C1QTNF9B: variants seen among roughly 807,000 people sequenced by gnomAD.
C1QTNF9B encodes the protein complement C1q and tumor necrosis factor-related protein 9B.
A neutral mutation model predicts 10.1 loss-of-function variants in C1QTNF9B; 9 were observed. The ratio of observed to expected loss-of-function variants is 0.89; its 90% CI spans 0.53 to 1.55. C1QTNF9B has a LOEUF of 1.55. C1QTNF9B is among the 40% of genes most tolerant of loss of function. C1QTNF9B has a pLI of 0.00. For missense variants in C1QTNF9B, 196 were observed against 414.4 expected (o/e 0.47, Z 4.58); for synonymous variants, 79 against 159.9 (o/e 0.49, Z 3.82).
rs1466269667 is a variant in C1QTNF9B, at chr13:23,891,306, G to C, written c.985C>G (p.Leu329Val). 3 of 1,543,342 alleles carry C rather than the reference G, an allele frequency of 1.9e-6. No homozygotes were observed. In the East Asian group the frequency reaches 6.7e-5, roughly 35 times the overall value. Residue 329 changes from leucine to valine, a missense_variant, in exon 3 of 3, where the codon CTG (leucine) becomes GTG (valine). By Grantham distance (32) the Leu-to-Val change is conservative. This residue lies in a region of C1QTNF9B where 72 missense variants were observed against 87.1 expected (regional missense o/e 0.83). Coordinates refer to ENST00000382137, the Ensembl canonical transcript of C1QTNF9B. ...CTCCTCTGTCACTGGCTGCTGAACA[G>C]AAGGAACCCTGTGAAAGTTGTGTCA...
At chr13:23,891,351 A>G in exon 3 of C1QTNF9B, 1 of 1,574,410 alleles carries the variant, frequency 6.4e-7, no homozygotes, top group African/African-American at 1.4e-5. Flanking sequence ...TCAGCAAACA[A>G]GCCATTGAAC....
At chr13:23,893,117 T>C (rs544295465) in intron 2 of C1QTNF9B, among the ~76,000 whole-genome samples, 48 of 152,302 alleles carry the variant, frequency 3.2e-4, no homozygotes, top group African/African-American at 1.1e-3. Context: ...TGTCCCCATA[T>C]GCACACAGGA....
At chr13:23,896,729 G>C (rs1872215158) in intron 1 of C1QTNF9B, 92 bp downstream of exon 3, 1 of 1,558,752 alleles carries the variant, frequency 6.4e-7, no homozygotes, top group African/African-American at 1.4e-5. Context: ...GGTTGTGAGT[G>C]GGTAGGTGGA....
At chr13:23,891,535 G>A in exon 3 of C1QTNF9B, 1 of 1,607,994 alleles carries the variant, frequency 6.2e-7, no homozygotes, top group South Asian at 1.1e-5. Flanking sequence ...TGATGTGGTA[G>A]GTGAAGTAAT....
chr13:23,894,711 T>C (rs1229262366), intron 1 of C1QTNF9B: 1 of 449,442 alleles, frequency 2.2e-6, no homozygotes, highest in Non-Finnish European at 4.5e-6. Flanking sequence ...TCTGGAGGGA[T>C]CCCTCTAGTG....
intron 2 of C1QTNF9B, among the ~76,000 whole-genome samples, chr13:23,893,380 C>T (rs1872082732): frequency 6.6e-6 from 1 of 152,234 alleles, no homozygotes; most frequent in African/African-American, 2.4e-5. Flanking sequence ...TGCTCATCCA[C>T]TGCAAGGTTC....
intron 2 of C1QTNF9B, among the ~76,000 whole-genome samples, chr13:23,893,855 T>C (rs9510928): frequency 0.17 from 26,347 of 152,070 alleles, 2,766 homozygotes; most frequent in Non-Finnish European, 0.23. Context: ...TTCACACATA[T>C]GGTGTCACTG....
chr13:23,894,987 C>G lies in C1QTNF9B; in HGVS notation c.167-786G>C, dbSNP rs112463152. 3.6e-3 allele frequency among the ~76,000 whole-genome samples: 543 copies of G among 151,896 alleles called. 4 individuals carry two copies. The highest frequency in any genetic ancestry group is 0.012 in the African/African-American group (499 of 41,428). ...ACTGACGTGGCTGTGGGGCGACAGG[C>G]GCAGGCTGGGCCGGCTTGCAGGTCC... On this transcript the variant is annotated intron_variant, in intron 1 of 2. Coordinates refer to ENST00000382137, the Ensembl canonical transcript of C1QTNF9B.
At chr13:23,891,634 C>A in exon 3 of C1QTNF9B, 2 of 1,613,568 alleles carry the variant, frequency 1.2e-6, no homozygotes, top group Non-Finnish European at 1.7e-6. Flanking sequence ...ATTTAATGGG[C>A]ACATCTGAAG....
exon 3 of C1QTNF9B, chr13:23,891,420 T>C: frequency 6.3e-7 from 1 of 1,582,100 alleles, no homozygotes; most frequent in South Asian, 1.1e-5. Context: ...TGCAGGACAA[T>C]GCTGCCAGAG....
intron 1 of C1QTNF9B, among the ~76,000 whole-genome samples, chr13:23,895,281 A>G (rs942138444): frequency 1.3e-5 from 2 of 151,928 alleles, no homozygotes; most frequent in Admixed American, 6.6e-5. Flanking sequence ...ATGATCACGC[A>G]CCACAACTCA....
At position 23,892,082 on chromosome 13, in the gene C1QTNF9B, T is replaced by C. The variant is rs758220446; in HGVS notation, c.230-21A>G. On this transcript the variant is annotated intron_variant, in intron 2 of 2. Coordinates refer to ENST00000382137, the Ensembl canonical transcript of C1QTNF9B. ...TGCTCCTAAATAGAGAAAGAGCAAA[T>C]AAAGAGATAGTTTGTGAAAGATTCC... 7 of 1,610,046 alleles carry C rather than the reference T, an allele frequency of 4.3e-6. No individual in the cohort carries two copies. The African/African-American group carries it at 6.7e-5, about 15-fold the overall frequency.
intron 1 of C1QTNF9B, among the ~76,000 whole-genome samples, chr13:23,895,439 G>T (rs904173432): frequency 5.3e-5 from 8 of 152,062 alleles, no homozygotes; most frequent in Non-Finnish European, 1.0e-4. Flanking sequence ...TTTTTAGTGT[G>T]AGCAATGTGA....
intron 2 of C1QTNF9B, among the ~76,000 whole-genome samples, chr13:23,893,814 A>G (rs1049171686): frequency 6.6e-5 from 10 of 152,158 alleles, no homozygotes; most frequent in African/African-American, 2.4e-4. Context: ...TCCACAATAC[A>G]TGGAAACCAT....
At chr13:23,892,706 G>GAC (rs113533575) in intron 2 of C1QTNF9B, among the ~76,000 whole-genome samples, 2,132 of 151,748 alleles carry the variant, frequency 0.014, 46 homozygotes, top group African/African-American at 0.048. Context: ...TGTGCACATG[G>GAC]ACACACACAC....
At chr13:23,897,324 T>C (rs1872237873), upstream of C1QTNF9B, 2 of 398,148 alleles carry the variant, frequency 5.0e-6, no homozygotes, top group Non-Finnish European at 9.0e-6. Context: ...CACAGACCAA[T>C]GCTTACTTAT....
At chr13:23,895,677 A>C (rs999869203) in intron 1 of C1QTNF9B, among the ~76,000 whole-genome samples, 1 of 152,112 alleles carries the variant, frequency 6.6e-6, no homozygotes, top group African/African-American at 2.4e-5. Context: ...ATCTCCTTTT[A>C]TGTGTAATAT....
At chr13:23,897,045 G>A, upstream of C1QTNF9B, 1 of 1,607,496 alleles carries the variant, frequency 6.2e-7, no homozygotes, top group Non-Finnish European at 8.5e-7. Flanking sequence ...AGAAACCTTT[G>A]TTGCTGGGGC....
In C1QTNF9B at chr13:23,891,801, C is replaced by T. The variant is rs749866368; in HGVS notation, c.490G>A (p.Gly164Arg). 15 of 1,613,934 alleles carry T rather than the reference C, an allele frequency of 9.3e-6. No homozygotes were observed. The highest frequency in any genetic ancestry group is 3.3e-4 in the Middle Eastern group (2 of 6,078). ...TGGGGCCCCGTGGGTCCAGCTTCTC[C>T]CTTGGGACCAGGCTTTCCAATAGGG... Residue 164 changes from glycine to arginine, a missense_variant, in exon 3 of 3, where the codon GGA (glycine) becomes AGA (arginine). By Grantham distance (125) the Gly-to-Arg change is moderately radical. This residue lies in a region of C1QTNF9B where 48 missense variants were observed against 148.5 expected (regional missense o/e 0.32). Coordinates refer to ENST00000382137, the Ensembl canonical transcript of C1QTNF9B.
Sources: allele counts gnomAD v4.1 joint callset (sites outside exome capture counted in the v4.1 genomes callset), GRCh38; gene constraint gnomAD v4.1.1; regional missense constraint gnomAD v4.1.1; transcripts MANE v1.5; gene names NCBI Gene and HGNC (gene_info 2026-07-23, HGNC 2026-07-21).